Variants in FRYL observed in about 807,000 individuals in gnomAD.
The protein encoded by FRYL is FRY like transcription coactivator.
A neutral mutation model predicts 351.2 loss-of-function variants in FRYL; 150 were observed. That is an observed-to-expected ratio of 0.43 (90% CI 0.37 to 0.49). FRYL has a LOEUF of 0.49. FRYL is among the 20% of genes least tolerant of loss of function. The pLI, the probability that FRYL is intolerant of heterozygous loss-of-function variation, is 0.00. For synonymous variants in FRYL, 1,153 were observed against 1,257.1 expected, an observed-to-expected ratio of 0.92 and a Z score of 1.75; for missense variants, 3,036 against 3,619.3, an observed-to-expected ratio of 0.84 and a Z score of 4.13.
At chr4:48,744,518 A>G (rs1772452445) in intron 1 of FRYL, among the ~76,000 whole-genome samples, 1 of 152,246 alleles carries the variant, frequency 6.6e-6, no homozygotes, top group Non-Finnish European at 1.5e-5. Flanking sequence ...AATCAGAGAA[A>G]ACCAACAAAT....
intron 1 of FRYL, among the ~76,000 whole-genome samples, chr4:48,713,685 C>T (rs985661406): frequency 1.3e-5 from 2 of 152,108 alleles, no homozygotes; most frequent in African/African-American, 4.8e-5. Flanking sequence ...GACTTTAACA[C>T]CCCACTGTCA....
At chr4:48,658,742 A>G (rs1187080434) in intron 3 of FRYL, among the ~76,000 whole-genome samples, 1 of 101,490 alleles carries the variant, frequency 9.9e-6, no homozygotes, top group Non-Finnish European at 2.0e-5. Flanking sequence ...TGACAGTGAG[A>G]CCTTCATAAA....
chr4:48,671,816 G>T (rs760275035), intron 3 of FRYL, among the ~76,000 whole-genome samples: 10 of 122,500 alleles, frequency 8.2e-5, no homozygotes, highest in Non-Finnish European at 1.6e-4. Flanking sequence ...TCACGCCACT[G>T]CACTCCAGCC....
At chr4:48,551,778 A>G (rs1447499529) in intron 36 of FRYL, among the ~76,000 whole-genome samples, 200 bp from the exon 37 acceptor site, 4 of 152,254 alleles carry the variant, frequency 2.6e-5, no homozygotes, top group Non-Finnish European at 5.9e-5. Context: ...ACAAATGGAC[A>G]GTAAGTAATT....
intron 11 of FRYL, 90 bp downstream of exon 11, chr4:48,605,651 T>C: frequency 2.3e-6 from 2 of 856,526 alleles, no homozygotes; most frequent in Non-Finnish European, 1.9e-6. Flanking sequence ...TATTGTCATG[T>C]AAGTATTTTT....
At chr4:48,674,312 T>C (rs1763194042) in intron 3 of FRYL, among the ~76,000 whole-genome samples, 3 of 152,150 alleles carry the variant, frequency 2.0e-5, no homozygotes, top group Non-Finnish European at 4.4e-5. Flanking sequence ...CTAGTATTTA[T>C]CAGTGAAACC....
chr4:48,721,761 C>A (rs1294533660), intron 1 of FRYL, among the ~76,000 whole-genome samples: 1 of 152,168 alleles, frequency 6.6e-6, no homozygotes, highest in Admixed American at 6.6e-5. Context: ...CTGTCTCAGC[C>A]TCCTGAGTAG....
intron 4 of FRYL, among the ~76,000 whole-genome samples, chr4:48,623,656 C>G (rs1300165734): frequency 1.3e-5 from 2 of 152,050 alleles, no homozygotes; most frequent in Admixed American, 1.3e-4. Flanking sequence ...TAGGCTGATG[C>G]CTTATGGTCT....
chr4:48,723,023 C>T (rs1280532676), intron 1 of FRYL, among the ~76,000 whole-genome samples: 1 of 152,126 alleles, frequency 6.6e-6, no homozygotes, highest in Non-Finnish European at 1.5e-5. Flanking sequence ...CCTAAGGGAT[C>T]ATGCCATCAG....
chr4:48,576,101 C>T lies in FRYL; in HGVS notation c.2650G>A (p.Gly884Ser). The T allele has an allele frequency of 1.9e-6, 3 of 1,613,926 alleles. No individual in the cohort carries two copies. Among genetic ancestry groups the T allele is most frequent in the Non-Finnish European group, 1.7e-6 (2 of 1,179,910 alleles). ...AATSSSSTSA[G>S]SVRCSPPETL... ...TCAGGAGGAGAACATCTCACAGAAC[C>T]TGCAGATGTGGAAGATGACGATGTT... is the stretch of plus-strand genomic sequence containing the variant. Residue 884 changes from glycine (G) to serine (S), a missense_variant, in exon 24 of 64, where the codon GGT (glycine) becomes AGT (serine). Transcript: ENST00000358350.
intron 3 of FRYL, chr4:48,653,660 G>C: frequency 8.6e-7 from 1 of 1,163,198 alleles, no homozygotes; most frequent in Non-Finnish European, 1.1e-6. Flanking sequence ...GCAAGGAATG[G>C]CAATGATAAT....
chr4:48,695,906 G>A (rs1432087932), intron 2 of FRYL, among the ~76,000 whole-genome samples: 9 of 152,174 alleles, frequency 5.9e-5, no homozygotes, highest in Non-Finnish European at 1.5e-5. Context: ...CATTTATGCA[G>A]CCAACAAATA....
chr4:48,734,048 T>C (rs1771016393), intron 1 of FRYL, among the ~76,000 whole-genome samples: 1 of 152,082 alleles, frequency 6.6e-6, no homozygotes, highest in African/African-American at 2.4e-5. Context: ...ATTGTAGATA[T>C]TAAACCAACT....
At chr4:48,722,728 G>A (rs1379852125) in intron 1 of FRYL, among the ~76,000 whole-genome samples, 1 of 152,164 alleles carries the variant, frequency 6.6e-6, no homozygotes, top group Non-Finnish European at 1.5e-5. Flanking sequence ...TGGGCCTTGG[G>A]AAGCACATTC....
At chr4:48,640,726 A>T (rs1755153315) in intron 3 of FRYL, among the ~76,000 whole-genome samples, 2 of 152,184 alleles carry the variant, frequency 1.3e-5, no homozygotes. Context: ...GAGTGGAGAG[A>T]GGGTATGCGA....
At chr4:48,710,121 G>C (rs1364719089) in intron 2 of FRYL, among the ~76,000 whole-genome samples, 3 of 152,140 alleles carry the variant, frequency 2.0e-5, no homozygotes, top group Non-Finnish European at 4.4e-5. Context: ...AAGAAGAGCT[G>C]GCATTGCACA....
At chr4:48,720,287 G>A (rs1259551110) in intron 1 of FRYL, among the ~76,000 whole-genome samples, 1 of 152,008 alleles carries the variant, frequency 6.6e-6, no homozygotes, top group Non-Finnish European at 1.5e-5. Context: ...CATGAGGTCA[G>A]GAGTTCAAGA....
intron 7 of FRYL, 149 bp from the exon 8 acceptor site, chr4:48,609,972 G>A (rs759661292): frequency 4.1e-5 from 19 of 460,300 alleles, no homozygotes; most frequent in African/African-American, 1.8e-4. Flanking sequence ...TGAGAATCTC[G>A]TTTTCTCTAA....
At chr4:48,573,607 T>C (rs1738860681) in intron 25 of FRYL, among the ~76,000 whole-genome samples, 1 of 152,220 alleles carries the variant, frequency 6.6e-6, no homozygotes, top group Non-Finnish European at 1.5e-5. Flanking sequence ...TGGAGTGCAA[T>C]GGCGTGATCT....
Sources: gnomAD v4.1 joint callset for allele counts (sites outside exome capture counted in the v4.1 genomes callset) on GRCh38, gnomAD v4.1.1 for gene constraint, MANE v1.5 for transcripts, NCBI Gene and HGNC (gene_info 2026-07-23, HGNC 2026-07-21) for gene names.